SS18: variants seen among roughly 807,000 people sequenced by gnomAD.
SS18 encodes the protein protein SSXT.
SS18 carries 28 observed loss-of-function variants against 72.5 expected under a neutral mutation model. The ratio of observed to expected loss-of-function variants is 0.39; its 90% confidence interval spans 0.29 to 0.53. The LOEUF is 0.53. SS18 is among the 20% of genes least tolerant of loss of function. The probability of loss-of-function intolerance (pLI) is 0.76; values close to 1 mark genes in which losing one functional copy is unlikely to be tolerated. For synonymous variants in SS18, 172 were observed against 164.2 expected (o/e 1.05, Z -0.37); for missense variants, 518 against 535.3 (o/e 0.97, Z 0.32).
chr18:26,064,613 C>T (rs1309405076), intron 3 of SS18, among the ~76,000 whole-genome samples: 2 of 152,020 alleles, frequency 1.3e-5, no homozygotes, highest in Non-Finnish European at 2.9e-5. Flanking sequence ...AAAAGGAGCA[C>T]TCTTAAAACA....
rs908774012 is a variant in SS18 at position 26,080,243 on chromosome 18, G to A, written c.147-2083C>T. 7.2e-6 allele frequency: 4 copies of A among 553,308 alleles called. No homozygotes were observed. In the African/African-American group the frequency reaches 8.2e-5, roughly 11 times the overall value. 34.3% of individuals were successfully genotyped at this position (553,308 alleles called of 1,614,324 possible). A position where few individuals can be genotyped will look rare whatever the true frequency, so the allele number is the denominator to read the frequency against. On this transcript the variant is annotated intron_variant, in intron 2 of 10. Transcript: ENST00000415083. ...GATCTAGGAAGGAACTTAAAATATAGTGTTCCATATCTTGCCATTTTTTAA... is the reference window on the plus strand; with the variant it reads ...GATCTAGGAAGGAACTTAAAATATAATGTTCCATATCTTGCCATTTTTTAA...
At chr18:26,032,624 T>C in intron 9 of SS18, 92 bp from the exon 10 acceptor site, 1 of 1,404,874 alleles carries the variant, frequency 7.1e-7, no homozygotes, top group Non-Finnish European at 9.5e-7. Context: ...TTACTGTATT[T>C]TTCTATCTAA....
intron 10 of SS18, among the ~76,000 whole-genome samples, chr18:26,029,199 G>C (rs1050921847): frequency 1.3e-5 from 2 of 152,182 alleles, no homozygotes; most frequent in African/African-American, 4.8e-5. Context: ...TGAGGGCAGC[G>C]AGTGGTTGGG....
chr18:26,032,564 TAAA>T (rs757924493), intron 9 of SS18, 32 bp from the exon 10 acceptor site: 4 of 1,609,456 alleles, frequency 2.5e-6, no homozygotes, highest in Non-Finnish European at 3.4e-6. Context: ...AAAACCCACA[TAAA>T]AAGGTAAGTC....
At chr18:26,020,794 A>G (rs1387739579) in intron 10 of SS18, among the ~76,000 whole-genome samples, 1 of 152,198 alleles carries the variant, frequency 6.6e-6, no homozygotes, top group Non-Finnish European at 1.5e-5. Flanking sequence ...GAAAACAGTA[A>G]GATCTGAATA....
intron 4 of SS18, among the ~76,000 whole-genome samples, chr18:26,053,507 G>A (rs745493280): frequency 5.3e-5 from 8 of 151,398 alleles, no homozygotes; most frequent in Non-Finnish European, 1.0e-4. Flanking sequence ...AAATTTGCAC[G>A]ACATAAAAAA....
intron 3 of SS18, among the ~76,000 whole-genome samples, chr18:26,072,796 C>CAAAAAA (rs71169810): frequency 9.2e-5 from 3 of 32,746 alleles, no homozygotes; most frequent in African/African-American, 1.4e-4. Flanking sequence ...GACTCCGTCT[C>CAAAAAA]AAAAAAAAAA....
chr18:26,054,989 T>C lies in SS18; in HGVS notation c.386-2144A>G, dbSNP rs187606269. ...CCTGACCTCAACTGATCCACCCACC[T>C]CAGCCTCCCAAAGTGCTGGGATTAC... On this transcript the variant is annotated intron_variant, in intron 4 of 10. Transcript: ENST00000415083. Among the ~76,000 whole-genome samples the C allele has an allele frequency of 5.5e-3, 832 of 151,772 alleles. 2 individuals are homozygous for C. Among genetic ancestry groups the C allele is most frequent in the Non-Finnish European group, 8.6e-3 (585 of 67,916 alleles).
chr18:26,069,807 TG>T (rs2054282562), intron 3 of SS18, among the ~76,000 whole-genome samples: 1 of 152,252 alleles, frequency 6.6e-6, no homozygotes, highest in Non-Finnish European at 1.5e-5. Context: ...TGAATGAAAT[TG>T]TTCTCTCATA....
intron 3 of SS18, among the ~76,000 whole-genome samples, chr18:26,072,199 T>C (rs1398249788): frequency 6.6e-6 from 1 of 152,092 alleles, no homozygotes; most frequent in African/African-American, 2.4e-5. Context: ...TTGGGATGTA[T>C]ATTATAATCT....
chr18:26,078,165 TA>T lies in SS18; in HGVS notation c.147-6del, dbSNP rs1276185068. On this transcript the variant is annotated splice_region_variant and splice_polypyrimidine_tract_variant and intron_variant, in intron 2 of 10. Transcript: ENST00000415083. ...GTGTGCAACATCTGCTGATACCTATTAAAACAAAACAAGTATCAGTATTAAA... is the reference window on the plus strand; with the variant it reads ...GTGTGCAACATCTGCTGATACCTATTAAACAAAACAAGTATCAGTATTAAA... 1 of 1,604,580 alleles carries T rather than the reference TA, an allele frequency of 6.2e-7. No individual in the cohort carries two copies. The highest frequency in any genetic ancestry group is 1.3e-5 in the African/African-American group (1 of 74,642).
In SS18 at chr18:26,081,690, T is replaced by C. The variant is rs560539417; in HGVS notation, c.147-3530A>G. Among the ~76,000 whole-genome samples, 22 of 150,426 alleles carry C rather than the reference T, an allele frequency of 1.5e-4. No homozygotes were observed. The South Asian group carries it at 4.4e-3, about 30-fold the overall frequency. On this transcript the variant is annotated intron_variant, in intron 2 of 10. Transcript: ENST00000415083. ...TTAAATATATTTTCCTCAGAAACTT[T>C]GAATATTTTTATTCTATATATAGTT...
At chr18:26,072,503 A>T (rs1174273119) in intron 3 of SS18, among the ~76,000 whole-genome samples, 2 of 152,320 alleles carry the variant, frequency 1.3e-5, no homozygotes, top group South Asian at 4.1e-4. Flanking sequence ...AAGCATTACT[A>T]AAGATAAGAA....
At chr18:26,068,590 T>A (rs767216055) in intron 3 of SS18, 3 of 152,196 alleles carry the variant, frequency 2.0e-5, no homozygotes, top group Non-Finnish European at 4.4e-5. Flanking sequence ...GACCAAATGT[T>A]AGTCAGAGAA....
chr18:26,070,810 C>A (rs1012935520), intron 3 of SS18, among the ~76,000 whole-genome samples: 11 of 152,102 alleles, frequency 7.2e-5, no homozygotes, highest in African/African-American at 2.7e-4. Flanking sequence ...AAGTGAAAAA[C>A]CCCATTCTAG....
At chr18:26,090,408 G>C in intron 1 of SS18, 93 bp downstream of exon 1, 1 of 1,313,528 alleles carries the variant, frequency 7.6e-7, no homozygotes, top group Non-Finnish European at 1.1e-6. Flanking sequence ...CCTCCGCCTC[G>C]GCCCGGTCGA....
At chr18:26,064,039 T>C (rs2054171244) in intron 3 of SS18, among the ~76,000 whole-genome samples, 1 of 152,100 alleles carries the variant, frequency 6.6e-6, no homozygotes, top group Non-Finnish European at 1.5e-5. Flanking sequence ...TTTATGATAA[T>C]GTATTTAATA....
At chr18:26,060,802 A>AAAAAAAAAAAAAAAAAC (rs2054108285) in intron 3 of SS18, among the ~76,000 whole-genome samples, 1 of 143,284 alleles carries the variant, frequency 7.0e-6, no homozygotes, top group Non-Finnish European at 1.5e-5. Context: ...AAAAAAAAAA[A>AAAAAAAAAAAAAAAAAC]AAAATCAGCC....
chr18:26,029,240 A>G (rs2053502897), intron 10 of SS18, among the ~76,000 whole-genome samples: 1 of 152,224 alleles, frequency 6.6e-6, no homozygotes, highest in African/African-American at 2.4e-5. Flanking sequence ...GGAGGGTAGC[A>G]TAGGAGGTGG....
Sources: gnomAD v4.1 joint callset for allele counts (sites outside exome capture counted in the v4.1 genomes callset) on GRCh38, gnomAD v4.1.1 for gene constraint, MANE v1.5 for transcripts, NCBI Gene and HGNC (gene_info 2026-07-23, HGNC 2026-07-21) for gene names.